Variants in CYP3A7 observed in about 807,000 individuals in gnomAD.
CYP3A7 encodes the protein cytochrome P450 3A7.
A neutral mutation model predicts 55.2 loss-of-function variants in CYP3A7; 45 were observed. The observed-to-expected ratio is 0.82, with a 90% CI of 0.64 to 1.05. CYP3A7 has a LOEUF of 1.05. CYP3A7 is among the 50% of genes least tolerant of loss of function. The pLI is 0.00. For missense variants in CYP3A7, 548 were observed against 605.3 expected (o/e 0.91, Z 0.99); for synonymous variants, 180 against 207.4 (o/e 0.87, Z 1.13).
In CYP3A7 at chr7:99,705,130, A is replaced by T. The variant is rs1012116099; in HGVS notation, c.*370T>A. The T allele has an allele frequency of 4.0e-5, 10 of 250,644 alleles. No homozygotes were observed. Among genetic ancestry groups the T allele is most frequent in the African/African-American group, 2.2e-4 (10 of 44,662 alleles). 15.5% of individuals were successfully genotyped at this position (250,644 alleles called of 1,614,324 possible). A position where few individuals can be genotyped will look rare whatever the true frequency, so the allele number is the denominator to read the frequency against. Reference sequence around the variant, plus strand: ...CACATGATATAAATGTCACTGTTAGAGCCATCAAAATAATTCCTATTTTTA... The same window carrying T: ...CACATGATATAAATGTCACTGTTAGTGCCATCAAAATAATTCCTATTTTTA... On this transcript the variant is annotated 3_prime_UTR_variant, in exon 13 of 13. Transcript: ENST00000336374.
At chr7:99,709,321 T>C in intron 10 of CYP3A7, 60 bp from the exon 11 acceptor site, 1 of 1,574,482 alleles carries the variant, frequency 6.4e-7, no homozygotes. Flanking sequence ...TTTAACTCAG[T>C]CCATGTAGTA....
chr7:99,713,471 T>G lies in CYP3A7; in HGVS notation c.863A>C (p.Lys288Thr), dbSNP rs1487998480. The G allele has an allele frequency of 3.1e-6, 5 of 1,613,310 alleles. No homozygotes were observed. Among genetic ancestry groups the G allele is most frequent in the Non-Finnish European group, 4.2e-6 (5 of 1,179,538 alleles). ...SQNSKDSETH[K>T]ALSDLELMAQ... ...CCTCAGAAGCACTCTTTTGTTACCTTTGTGGGTCTCAGAGTCTTTTGAATT... is the reference window on the plus strand; with the variant it reads ...CCTCAGAAGCACTCTTTTGTTACCTGTGTGGGTCTCAGAGTCTTTTGAATT... The change falls in exon 9 of 13, where the codon AAA becomes ACA. Residue 288 changes from lysine (K) to threonine (T), a missense_variant and splice_region_variant. Physicochemically the swap from Lys to Thr is moderately conservative, Grantham distance 78 (BLOSUM62 -1). Transcript: ENST00000336374.
At chr7:99,726,632 A>C (rs1482223271) in intron 2 of CYP3A7, among the ~76,000 whole-genome samples, 1 of 152,160 alleles carries the variant, frequency 6.6e-6, no homozygotes, top group African/African-American at 2.4e-5. Flanking sequence ...TACTGCCACA[A>C]GGCTTCTGGG....
chr7:99,713,020 G>A (rs796739371), intron 9 of CYP3A7, among the ~76,000 whole-genome samples: 32 of 152,230 alleles, frequency 2.1e-4, no homozygotes, highest in Admixed American at 2.6e-4. Context: ...AGTTAAAATC[G>A]CCCTTATTTG....
At chr7:99,729,169 T>C (rs1241229273) in intron 2 of CYP3A7, among the ~76,000 whole-genome samples, 1 of 152,178 alleles carries the variant, frequency 6.6e-6, no homozygotes, top group Non-Finnish European at 1.5e-5. Context: ...GTACCTGTTT[T>C]TCTCCTTCTG....
chr7:99,726,086 A>G (rs1469417197), intron 2 of CYP3A7, among the ~76,000 whole-genome samples: 1 of 152,070 alleles, frequency 6.6e-6, no homozygotes, highest in Non-Finnish European at 1.5e-5. Flanking sequence ...CTACAGCTAC[A>G]TCTCATTGCC....
intron 6 of CYP3A7, among the ~76,000 whole-genome samples, chr7:99,716,966 T>C (rs571627783): frequency 3.3e-5 from 5 of 152,286 alleles, no homozygotes; most frequent in African/African-American, 9.6e-5. Flanking sequence ...AACCCTGACC[T>C]CTGTGCACAG....
At position 99,705,431 on chromosome 7, in the gene CYP3A7, G is replaced by A; in HGVS notation, c.*69C>T. 1 of 1,538,238 alleles carries A rather than the reference G, an allele frequency of 6.5e-7. No individual in the cohort carries two copies. The highest frequency in any genetic ancestry group is 9.0e-7 in the Non-Finnish European group (1 of 1,113,738). On this transcript the variant is annotated 3_prime_UTR_variant, in exon 13 of 13. Coordinates refer to ENST00000336374, the MANE Select transcript of CYP3A7 (RefSeq NM_000765.5). ...TTCATTTCAGGGTTCTATTTGTAAA[G>A]TAATTTGAGGTCTCTGGTGTTCTGG...
chr7:99,715,648 A>G (rs1282153392), intron 7 of CYP3A7, 110 bp downstream of exon 7: 2 of 1,562,602 alleles, frequency 1.3e-6, no homozygotes, highest in Non-Finnish European at 1.8e-6. Flanking sequence ...ATGTACTACA[A>G]ACCATTAAAC....
At chr7:99,722,248 CTCA>C in intron 3 of CYP3A7, 45 bp downstream of exon 3, 1 of 1,611,826 alleles carries the variant, frequency 6.2e-7, no homozygotes, top group Non-Finnish European at 8.5e-7. Flanking sequence ...GTGGGGTAAA[CTCA>C]TCATAGAAAC....
chr7:99,715,595 G>A (rs191498845), intron 7 of CYP3A7, 163 bp downstream of exon 7: 2 of 1,236,966 alleles, frequency 1.6e-6, no homozygotes, highest in Admixed American at 2.1e-5. Context: ...AATGACAGAA[G>A]TGTTTTAAAG....
chr7:99,714,559 TG>T lies in CYP3A7; in HGVS notation c.793del (p.Gln265LysfsTer10). The T allele has an allele frequency of 6.2e-7, 1 of 1,612,906 alleles. No individual in the cohort carries two copies. The highest frequency in any genetic ancestry group is 1.1e-5 in the South Asian group (1 of 91,004). On this transcript the variant is annotated frameshift_variant, in exon 8 of 13. Coordinates refer to ENST00000336374, the MANE Select transcript of CYP3A7 (RefSeq NM_000765.5). LOFTEE classifies it high-confidence loss of function. Reference protein sequence around the residue: ...QIKEGRLKETQKHRVDFLQLM... With the variant: ...QIKEGRLKETXKHRVDFLQLM... ...ATAACTACCACCACGTTTTACCTTT[TG>T]TGTCTCTTTGAGGCGACCTTCTTTT...
Position 99,729,696 on chromosome 7 carries a change from C to T in CYP3A7, c.165+1363G>A, listed in dbSNP as rs529467289. On this transcript the variant is annotated intron_variant, in intron 2 of 12. Coordinates refer to ENST00000336374, the MANE Select transcript of CYP3A7 (RefSeq NM_000765.5). ...CAACCTGGTGACATTCTTCTCTGCA[C>T]AATGAGTCTTATGATCTCCCCACCA... Among the ~76,000 whole-genome samples the T allele has an allele frequency of 2.6e-5, 4 of 152,272 alleles. No individual in the cohort carries two copies. The East Asian group carries it at 7.7e-4, about 29-fold the overall frequency.
chr7:99,735,018 C>T lies in CYP3A7; in HGVS notation c.71+5G>A, dbSNP rs769066669. The T allele has an allele frequency of 6.2e-7, 1 of 1,614,094 alleles. No individual in the cohort carries two copies. The highest frequency in any genetic ancestry group is 1.3e-5 in the African/African-American group (1 of 75,058). ...CAGAGAAGAGGAGCCTGAACAGTTACTCACAGATAGAGGAGTATCAGGCTG... is the reference window on the plus strand; with the variant it reads ...CAGAGAAGAGGAGCCTGAACAGTTATTCACAGATAGAGGAGTATCAGGCTG... On this transcript the variant is annotated splice_donor_5th_base_variant and intron_variant, in intron 1 of 12. Transcript: ENST00000336374.
chr7:99,719,741 G>T (rs1290459729), intron 4 of CYP3A7, among the ~76,000 whole-genome samples: 1 of 152,140 alleles, frequency 6.6e-6, no homozygotes, highest in Non-Finnish European at 1.5e-5. Flanking sequence ...GATCATGCTG[G>T]TCATTGCACA....
chr7:99,714,348 A>T (rs184882975), intron 8 of CYP3A7, among the ~76,000 whole-genome samples: 2 of 152,290 alleles, frequency 1.3e-5, no homozygotes, highest in East Asian at 3.9e-4. Context: ...TCAAATTTTA[A>T]GTGCTCTCTC....
chr7:99,718,126 G>A (rs906696080), intron 4 of CYP3A7, among the ~76,000 whole-genome samples: 2 of 152,078 alleles, frequency 1.3e-5, no homozygotes, highest in African/African-American at 4.8e-5. Context: ...CTGTTGTGGG[G>A]TGGGGAGAGG....
At chr7:99,726,003 T>C (rs1584521174) in intron 2 of CYP3A7, among the ~76,000 whole-genome samples, 1 of 152,146 alleles carries the variant, frequency 6.6e-6, no homozygotes, top group South Asian at 2.1e-4. Context: ...TTTTTAGTTA[T>C]CCCCACCTGC....
At chr7:99,729,707 A>AT (rs1470654685) in intron 2 of CYP3A7, among the ~76,000 whole-genome samples, 1 of 152,130 alleles carries the variant, frequency 6.6e-6, no homozygotes, top group African/African-American at 2.4e-5. Context: ...AATGAGTCTT[A>AT]TGATCTCCCC....
Sources: gnomAD v4.1 joint callset for allele counts (sites outside exome capture counted in the v4.1 genomes callset) on GRCh38, gnomAD v4.1.1 for gene constraint, MANE v1.5 for transcripts, NCBI Gene and HGNC (gene_info 2026-07-23, HGNC 2026-07-21) for gene names.